The following RYR3 variants were observed in gnomAD, a reference collection of about 807,000 sequenced individuals.
The protein encoded by RYR3 is brain ryanodine receptor-calcium release channel.
In RYR3, 207 loss-of-function variants were observed where a neutral mutation model predicts 584.3. The observed-to-expected ratio is 0.35, with a 90% CI of 0.32 to 0.40. RYR3 has a LOEUF of 0.40. Ranked by LOEUF, RYR3 falls within the 10% of genes least tolerant of loss-of-function variation. The pLI is 1.00. For synonymous variants in RYR3, 2,416 were observed against 2,248.5 expected, an observed-to-expected ratio of 1.07 and a Z score of -2.11; for missense variants, 5,616 against 6,089.2, an observed-to-expected ratio of 0.92 and a Z score of 2.59.
intron 4 of RYR3, among the ~76,000 whole-genome samples, chr15:33,531,824 G>C (rs1389356281): frequency 6.6e-6 from 1 of 151,998 alleles, no homozygotes; most frequent in Non-Finnish European, 1.5e-5. Context: ...ATCTGGAATT[G>C]AGAAGGTGAT....
chr15:33,662,937 G>A lies in RYR3; in HGVS notation c.5407G>A (p.Val1803Ile), dbSNP rs377018905. 1.8e-5 allele frequency: 29 copies of A among 1,611,692 alleles called. No individual in the cohort carries two copies. Among genetic ancestry groups the A allele is most frequent in the Admixed American group, 1.3e-4 (8 of 59,986 alleles). ...GTTGCAGACTCGATTACCCGAATCC[G>A]TCAAGCTGCAGGTAAGCTGCAGGTG... Reference protein sequence around the residue: ...GLLQTRLPESVKLQMCELLSY... With the variant: ...GLLQTRLPESIKLQMCELLSY... Residue 1803 changes from valine (V) to isoleucine (I), a missense_variant, in exon 35 of 104, where the codon GTC becomes ATC. Transcript: ENST00000634891.
intron 93 of RYR3, 69 bp from the exon 94 acceptor site, chr15:33,848,222 C>T: frequency 3.1e-6 from 5 of 1,590,674 alleles, no homozygotes; most frequent in Admixed American, 1.8e-5. Context: ...TAATTTGTGA[C>T]AAATACCTGG....
chr15:33,799,049 A>ATT (rs143553070), intron 67 of RYR3, among the ~76,000 whole-genome samples: 2 of 150,892 alleles, frequency 1.3e-5, no homozygotes, highest in Admixed American at 6.6e-5. Flanking sequence ...TTTGAGACGC[A>ATT]TTTTTTTTTA....
chr15:33,607,839 T>G (rs1447334407), intron 18 of RYR3, among the ~76,000 whole-genome samples: 1 of 152,188 alleles, frequency 6.6e-6, no homozygotes, highest in African/African-American at 2.4e-5. Context: ...GCACTTGCTG[T>G]GGGTTACAGT....
chr15:33,396,224 A>C (rs1479220013), intron 1 of RYR3, among the ~76,000 whole-genome samples: 1 of 152,192 alleles, frequency 6.6e-6, no homozygotes, highest in East Asian at 1.9e-4. Flanking sequence ...TCACTGAGAG[A>C]GAGCCCTGCA....
At chr15:33,633,567 A>G (rs1321110733) in intron 24 of RYR3, among the ~76,000 whole-genome samples, 3 of 152,130 alleles carry the variant, frequency 2.0e-5, no homozygotes, top group East Asian at 1.9e-4. Flanking sequence ...GTAATCACCA[A>G]TGGTAGGGTT....
chr15:33,768,533 G>A, intron 60 of RYR3, 125 bp from the exon 61 acceptor site: 2 of 799,312 alleles, frequency 2.5e-6, no homozygotes, highest in Non-Finnish European at 4.4e-6. Context: ...GGAACATAGT[G>A]CATCTCCCTA....
intron 69 of RYR3, among the ~76,000 whole-genome samples, chr15:33,802,711 G>A (rs1437219467): frequency 6.6e-6 from 1 of 152,190 alleles, no homozygotes; most frequent in Non-Finnish European, 1.5e-5. Flanking sequence ...CTACTTAAAT[G>A]TGATGTTTTG....
intron 32 of RYR3, among the ~76,000 whole-genome samples, chr15:33,657,861 C>T (rs1439119661): frequency 6.6e-6 from 1 of 152,178 alleles, no homozygotes; most frequent in Non-Finnish European, 1.5e-5. Context: ...TTTAACCAAT[C>T]CAGCCTATTT....
intron 23 of RYR3, among the ~76,000 whole-genome samples, chr15:33,631,566 A>T (rs2061267217): frequency 6.6e-6 from 1 of 152,146 alleles, no homozygotes; most frequent in South Asian, 2.1e-4. Flanking sequence ...ACTGTCTTTG[A>T]TCTATAAGAA....
At position 33,631,180 on chromosome 15, in the gene RYR3, C is replaced by T. The variant is rs905209553; in HGVS notation, c.2784-30C>T. The T allele has an allele frequency of 7.8e-6, 11 of 1,412,632 alleles. No individual in the cohort carries two copies. In the African/African-American group the frequency reaches 1.3e-4, roughly 16 times the overall value. The allele number at this position is 1,412,632 out of a possible 1,614,324, so 87.5% of individuals were successfully genotyped here. A position where few individuals can be genotyped will look rare whatever the true frequency, so the allele number is the denominator to read the frequency against. On this transcript the variant is annotated intron_variant, in intron 22 of 103. Transcript: ENST00000634891. ...CTGCTGTTCCTAACACTGCAGTTAA[C>T]CTTAGTCTTCTCCTTCTGTTGTGTC...
intron 2 of RYR3, among the ~76,000 whole-genome samples, chr15:33,481,649 T>C (rs963224088): frequency 3.3e-5 from 5 of 151,802 alleles, no homozygotes; most frequent in Non-Finnish European, 7.4e-5. Flanking sequence ...CCCAGCTAAT[T>C]TTTTGTATAT....
intron 24 of RYR3, 58 bp downstream of exon 24, chr15:33,633,166 C>T: frequency 1.9e-6 from 3 of 1,567,064 alleles, no homozygotes; most frequent in East Asian, 4.5e-5. Context: ...CATCCACGTG[C>T]CGTTTTGCTT....
Position 33,857,694 on chromosome 15 carries a change from C to G in RYR3, c.14008-86C>G, listed in dbSNP as rs2079839226. The G allele has an allele frequency of 5.3e-5, 82 of 1,541,506 alleles. No individual in the cohort carries two copies. In the South Asian group the frequency reaches 7.8e-4, roughly 15 times the overall value. ...CTCTCCTTGCCCGTCCTCACTCTTC[C>G]TCCTCGTTTTCTTAGAGTCTCCTGT... On this transcript the variant is annotated intron_variant, in intron 98 of 103. Coordinates refer to ENST00000634891, the MANE Select transcript of RYR3 (RefSeq NM_001036.6).
chr15:33,601,629 T>C, intron 17 of RYR3, 77 bp downstream of exon 17: 3 of 1,511,994 alleles, frequency 2.0e-6, no homozygotes, highest in Non-Finnish European at 2.7e-6. Flanking sequence ...AGAGGGCTCA[T>C]CTGAACTCCA....
At chr15:33,811,459 C>A (rs1321596856) in intron 72 of RYR3, among the ~76,000 whole-genome samples, 1 of 150,776 alleles carries the variant, frequency 6.6e-6, no homozygotes, top group Non-Finnish European at 1.5e-5. Flanking sequence ...TGTGGTGAGC[C>A]GAGATCAGGC....
Position 33,811,025 on chromosome 15 carries a change from C to CT in RYR3, c.10247dup (p.Leu3416PhefsTer6). On this transcript the variant is annotated frameshift_variant, in exon 72 of 104. Coordinates refer to ENST00000634891, the MANE Select transcript of RYR3 (RefSeq NM_001036.6). LOFTEE classifies it high-confidence loss of function. ...GAGAACATCTGCGGAACAACTTGCA[C>CT]TTGCAGGAAAAGGTGATGACTCAGG... is the stretch of plus-strand genomic sequence containing the variant. The CT allele has an allele frequency of 6.2e-7, 1 of 1,608,666 alleles. No individual in the cohort carries two copies. Among genetic ancestry groups the CT allele is most frequent in the Non-Finnish European group, 8.5e-7 (1 of 1,177,704 alleles).
chr15:33,584,764 A>C (rs1390062467), intron 15 of RYR3, among the ~76,000 whole-genome samples: 1 of 151,748 alleles, frequency 6.6e-6, no homozygotes, highest in African/African-American at 2.4e-5. Context: ...CCTCGGGTCC[A>C]TTAATCACCC....
chr15:33,718,442 G>A (rs2067660245), intron 43 of RYR3, among the ~76,000 whole-genome samples: 1 of 152,158 alleles, frequency 6.6e-6, no homozygotes, highest in Non-Finnish European at 1.5e-5. Context: ...CAGACACAAG[G>A]CCCTGTTCTC....
Sources: gnomAD v4.1 joint callset for allele counts (sites outside exome capture counted in the v4.1 genomes callset) on GRCh38, gnomAD v4.1.1 for gene constraint, MANE v1.5 for transcripts, NCBI Gene and HGNC (gene_info 2026-07-23, HGNC 2026-07-21) for gene names.